SLC5A8: variants seen among roughly 807,000 people sequenced by gnomAD.
The protein encoded by SLC5A8 is solute carrier family 5 member 8.
A neutral mutation model predicts 71.9 loss-of-function variants in SLC5A8; 55 were observed. The observed-to-expected ratio is 0.77, with a 90% CI of 0.62 to 0.96. The LOEUF is 0.96. SLC5A8 is among the 40% of genes least tolerant of loss of function. SLC5A8 has a pLI of 0.00. For missense variants in SLC5A8, 701 were observed against 745.3 expected (o/e 0.94, Z 0.69); for synonymous variants, 307 against 276.1 (o/e 1.11, Z -1.11).
intron 12 of SLC5A8, among the ~76,000 whole-genome samples, chr12:101,163,944 C>T (rs2051745451): frequency 6.6e-6 from 1 of 152,098 alleles, no homozygotes; most frequent in African/African-American, 2.4e-5. Context: ...CTTGATCACA[C>T]CACCCACAGA....
intron 7 of SLC5A8, among the ~76,000 whole-genome samples, chr12:101,184,477 T>C (rs1292052463): frequency 6.6e-6 from 1 of 152,224 alleles, no homozygotes; most frequent in African/African-American, 2.4e-5. Flanking sequence ...CTCAGTTTCC[T>C]CATCTATAGA....
chr12:101,200,073 T>C lies in SLC5A8; in HGVS notation c.469+2091A>G, dbSNP rs1163756778. 3.1e-5 allele frequency among the ~76,000 whole-genome samples: 3 copies of C among 95,840 alleles called. 1 individual carries two copies. The highest frequency in any genetic ancestry group is 3.5e-4 in the South Asian group (1 of 2,828). 62.9% of individuals were successfully genotyped at this position (95,840 alleles called of 152,430 possible). On this transcript the variant is annotated intron_variant, in intron 3 of 14. Transcript: ENST00000536262. ...AAAAAAAGGGAATGAACTACTGATA[T>C]ATATGTAGCAGCATGAATGAATCTC...
intron 11 of SLC5A8, 66 bp from the exon 12 acceptor site, chr12:101,166,765 A>G: frequency 7.1e-7 from 1 of 1,418,362 alleles, no homozygotes; most frequent in African/African-American, 1.4e-5. Context: ...AATTAATATT[A>G]GAAAGCCAAG....
intron 9 of SLC5A8, among the ~76,000 whole-genome samples, chr12:101,181,629 G>A (rs1868372040): frequency 6.6e-6 from 1 of 152,114 alleles, no homozygotes; most frequent in South Asian, 2.1e-4. Context: ...TTTTCTCAAG[G>A]TTAACAGCTA....
At chr12:101,158,550 GTCTCTCTCTCTCTCTCTCTCTCTCTC>G (rs372186123) in intron 13 of SLC5A8, among the ~76,000 whole-genome samples, 1 of 48,510 alleles carries the variant, frequency 2.1e-5, no homozygotes, top group Non-Finnish European at 4.4e-5. Flanking sequence ...ATAAATATGA[GTCTCTCTCTCTCTCTCTCTCTCTCTC>G]TCTCTCTCTC....
intron 13 of SLC5A8, among the ~76,000 whole-genome samples, chr12:101,161,545 A>T (rs1014367092): frequency 1.3e-5 from 2 of 152,234 alleles, no homozygotes; most frequent in African/African-American, 4.8e-5. Flanking sequence ...ACAGTTCACA[A>T]AGAATGAATA....
Position 101,155,704 on chromosome 12 carries a change from TTTC to T in SLC5A8, c.*1572_*1574del, listed in dbSNP as rs1355103169. 6.6e-6 allele frequency: 1 copy of T among 151,576 alleles called. No homozygotes were observed. Among genetic ancestry groups the T allele is most frequent in the Admixed American group, 6.6e-5 (1 of 15,186 alleles). The allele number at this position is 151,576 out of a possible 1,614,324, so 9.4% of individuals were successfully genotyped here. A position where few individuals can be genotyped will look rare whatever the true frequency, so the allele number is the denominator to read the frequency against. On this transcript the variant is annotated 3_prime_UTR_variant, in exon 15 of 15. Coordinates refer to ENST00000536262, the MANE Select transcript of SLC5A8 (RefSeq NM_145913.5). ...TTTGTAGAGATGAGGTCTAACTATG[TTTC>T]CAGGCTGGACTTAAACTCTGGACCT...
intron 7 of SLC5A8, among the ~76,000 whole-genome samples, chr12:101,185,348 T>C (rs935349336): frequency 6.6e-6 from 1 of 152,234 alleles, no homozygotes; most frequent in Non-Finnish European, 1.5e-5. Flanking sequence ...TATAGTGTTA[T>C]AAAAAGGTCC....
intron 3 of SLC5A8, among the ~76,000 whole-genome samples, chr12:101,198,974 A>G (rs567192184): frequency 1.5e-4 from 23 of 152,076 alleles, no homozygotes; most frequent in African/African-American, 5.3e-4. Context: ...GAAAAGAAGT[A>G]AAATTGTCAC....
chr12:101,204,365 T>C, intron 2 of SLC5A8, 135 bp downstream of exon 2: 2 of 721,530 alleles, frequency 2.8e-6, no homozygotes, highest in South Asian at 3.4e-5. Context: ...GACAAGTGTT[T>C]TTCCTTTTTT....
chr12:101,206,097 T>C (rs753482605), intron 1 of SLC5A8, among the ~76,000 whole-genome samples: 13 of 152,164 alleles, frequency 8.5e-5, no homozygotes, highest in Non-Finnish European at 1.6e-4. Context: ...TTTTGCAGGG[T>C]TTGGAGACTA....
chr12:101,209,625 G>A lies in SLC5A8; in HGVS notation c.224C>T (p.Pro75Leu). Residue 75 changes from proline to leucine, a missense_variant, in exon 1 of 15, where the codon CCC becomes CTC. Pro to Leu is a moderately conservative substitution (Grantham distance 98). Transcript: ENST00000536262. ...GGCCCCAAAACGGTAGACCTCGGAGGGGGTGCCCAGGACAGTGACGGCTGA... is the reference window on the plus strand; with the variant it reads ...GGCCCCAAAACGGTAGACCTCGGAGAGGGTGCCCAGGACAGTGACGGCTGA... ...FMSAVTVLGTPSEVYRFGAIF... is the reference protein window; with the variant it reads ...FMSAVTVLGTLSEVYRFGAIF... 1 of 1,614,066 alleles carries A rather than the reference G, an allele frequency of 6.2e-7. No individual in the cohort carries two copies.
intron 6 of SLC5A8, among the ~76,000 whole-genome samples, chr12:101,190,062 T>G (rs889708676): frequency 5.3e-5 from 8 of 152,232 alleles, no homozygotes; most frequent in African/African-American, 1.9e-4. Context: ...AAGCACTATA[T>G]GTACTCTGGA....
At chr12:101,182,037 C>T (rs971757224) in intron 9 of SLC5A8, among the ~76,000 whole-genome samples, 1 of 152,110 alleles carries the variant, frequency 6.6e-6, no homozygotes, top group African/African-American at 2.4e-5. Flanking sequence ...ATGAAGAATG[C>T]AGTACATTGG....
chr12:101,205,925 C>G (rs907329925), intron 1 of SLC5A8, among the ~76,000 whole-genome samples: 1 of 152,170 alleles, frequency 6.6e-6, no homozygotes, highest in African/African-American at 2.4e-5. Flanking sequence ...GATCACTGAT[C>G]GGTGACAAAA....
At chr12:101,158,716 G>A (rs1360101244) in intron 13 of SLC5A8, among the ~76,000 whole-genome samples, 3 of 147,238 alleles carry the variant, frequency 2.0e-5, no homozygotes, top group South Asian at 2.2e-4. Flanking sequence ...ACAGTCATCT[G>A]GCCCAATGCT....
At chr12:101,189,266 C>T (rs754708420) in intron 6 of SLC5A8, among the ~76,000 whole-genome samples, 3 of 152,054 alleles carry the variant, frequency 2.0e-5, no homozygotes, top group African/African-American at 4.8e-5. Context: ...TCCAATATTC[C>T]GTAAAATACC....
rs1467010125 is a variant in SLC5A8 at position 101,209,966 on chromosome 12, AC to A, written c.-119del. ...CGCGCAGGCGTGGCGTCCCGCGGGGACTGGAGGCGTCCTCCAGGTGTCGGCC... is the reference window on the plus strand; with the variant it reads ...CGCGCAGGCGTGGCGTCCCGCGGGGATGGAGGCGTCCTCCAGGTGTCGGCC... On this transcript the variant is annotated 5_prime_UTR_variant, in exon 1 of 15. Transcript: ENST00000536262. The A allele has an allele frequency of 1.1e-6, 1 of 928,322 alleles. No homozygotes were observed. The highest frequency in any genetic ancestry group is 1.7e-5 in the African/African-American group (1 of 57,242). The allele number at this position is 928,322 out of a possible 1,614,324, so 57.5% of individuals were successfully genotyped here.
At chr12:101,176,534 G>A (rs1343190386) in intron 10 of SLC5A8, among the ~76,000 whole-genome samples, 1 of 151,874 alleles carries the variant, frequency 6.6e-6, no homozygotes, top group Admixed American at 6.6e-5. Context: ...CCATATCCTA[G>A]GTTATAAAAC....
Sources: allele counts gnomAD v4.1 joint callset (sites outside exome capture counted in the v4.1 genomes callset), GRCh38; gene constraint gnomAD v4.1.1; transcripts MANE v1.5; gene names NCBI Gene and HGNC (gene_info 2026-07-23, HGNC 2026-07-21).